RFLNA: variants seen among roughly 807,000 people sequenced by gnomAD.
The protein encoded by RFLNA is refilin A, also known as refilin-A.
A neutral mutation model predicts 7.8 loss-of-function variants in RFLNA; 5 were observed. The observed-to-expected ratio is 0.64, with a 90% CI of 0.34 to 1.35. The LOEUF (loss-of-function observed/expected upper bound fraction) is 1.35, where lower values mean the gene tolerates loss of function less well. Among genes scored for constraint, RFLNA ranks in the 40% most tolerant of loss-of-function variants. The pLI, the probability that RFLNA is intolerant of heterozygous loss-of-function variation, is 0.04. For synonymous variants in RFLNA, 141 were observed against 131.3 expected (o/e 1.07, Z -0.50); for missense variants, 278 against 305.5 (o/e 0.91, Z 0.67).
intron 1 of RFLNA, among the ~76,000 whole-genome samples, chr12:124,305,710 A>G (rs2034125947): frequency 6.6e-6 from 1 of 152,192 alleles, no homozygotes; most frequent in Non-Finnish European, 1.5e-5. Flanking sequence ...TGATGACATC[A>G]GGCCCACCTG....
At position 124,314,627 on chromosome 12, in the gene RFLNA, G is replaced by T. The variant is rs575192848; in HGVS notation, c.*102G>T. 2.0e-5 allele frequency: 30 copies of T among 1,521,516 alleles called. No individual in the cohort carries two copies. Among genetic ancestry groups the T allele is most frequent in the East Asian group, 2.0e-4 (8 of 40,808 alleles). 94.3% of individuals were successfully genotyped at this position (1,521,516 alleles called of 1,614,324 possible). ...TCGGCCTGGCACTCGGGCAGGAGGCGGGAAGGGAGGCTGCCAGACCAAGGA... is the reference window on the plus strand; with the variant it reads ...TCGGCCTGGCACTCGGGCAGGAGGCTGGAAGGGAGGCTGCCAGACCAAGGA... On this transcript the variant is annotated 3_prime_UTR_variant, in exon 3 of 3. Coordinates refer to ENST00000546355, the MANE Select transcript of RFLNA (RefSeq NM_001365156.1).
chr12:124,295,752 G>A (rs2033897050), intron 1 of RFLNA, 116 bp downstream of exon 1: 6 of 1,074,206 alleles, frequency 5.6e-6, no homozygotes, highest in South Asian at 4.8e-5. Flanking sequence ...TACCTGCCCC[G>A]CAACCACGAA....
At chr12:124,291,956 T>C (rs765988529), upstream of RFLNA, among the ~76,000 whole-genome samples, 1 of 152,162 alleles carries the variant, frequency 6.6e-6, no homozygotes, top group Non-Finnish European at 1.5e-5. Context: ...GGTGCATACA[T>C]ATGCATACAC....
At chr12:124,310,195 A>AAAAAAAAAAAAAAAAAAAAAAAAAAC (rs1227402468) in intron 1 of RFLNA, among the ~76,000 whole-genome samples, 1 of 146,098 alleles carries the variant, frequency 6.8e-6, no homozygotes. Context: ...AAAAAAAAAA[A>AAAAAAAAAAAAAAAAAAAAAAAAAAC]AGCCTTTAGA....
At chr12:124,301,510 G>C (rs1409796673) in intron 1 of RFLNA, among the ~76,000 whole-genome samples, 2 of 152,176 alleles carry the variant, frequency 1.3e-5, no homozygotes, top group African/African-American at 2.4e-5. Context: ...CTCCCTGCGG[G>C]GCACGGTACA....
intron 1 of RFLNA, among the ~76,000 whole-genome samples, chr12:124,302,414 G>A (rs886796721): frequency 7.9e-5 from 12 of 152,142 alleles, no homozygotes; most frequent in African/African-American, 2.9e-4. Flanking sequence ...CTGGGCCCTT[G>A]ATAGTTCATG....
At chr12:124,309,128 T>C (rs1174000023) in intron 1 of RFLNA, among the ~76,000 whole-genome samples, 1 of 152,030 alleles carries the variant, frequency 6.6e-6, no homozygotes, top group Non-Finnish European at 1.5e-5. Flanking sequence ...TGGGTGCTGT[T>C]TGTGGCTGTG....
chr12:124,304,691 G>A (rs1337042897), intron 1 of RFLNA, among the ~76,000 whole-genome samples: 1 of 152,246 alleles, frequency 6.6e-6, no homozygotes, highest in African/African-American at 2.4e-5. Context: ...CTGGCAGCGC[G>A]TGGGTGGGTA....
chr12:124,310,531 T>TTTCTGTGAGGA (rs1307983797), intron 1 of RFLNA, among the ~76,000 whole-genome samples: 2 of 126,346 alleles, frequency 1.6e-5, no homozygotes, highest in African/African-American at 3.1e-5. Flanking sequence ...GGAGGTGGAC[T>TTTCTGTGAGGA]GCAGGATGGG....
At chr12:124,310,362 A>G (rs1200903349) in intron 1 of RFLNA, among the ~76,000 whole-genome samples, 2 of 150,772 alleles carry the variant, frequency 1.3e-5, no homozygotes, top group Non-Finnish European at 3.0e-5. Context: ...GGCGGGGAAC[A>G]CTTCCGGAGG....
rs1317255535 is a variant in RFLNA at position 124,302,812 on chromosome 12, A to AG, written c.207+7180dup. Among the ~76,000 whole-genome samples the AG allele has an allele frequency of 2.5e-4, 32 of 128,848 alleles. No homozygotes were observed. In the South Asian group the frequency reaches 7.1e-3, roughly 29 times the overall value. The allele number at this position is 128,848 out of a possible 152,430, so 84.5% of individuals were successfully genotyped here. ...GGGGCCGAGGTCAGGGGCTGAGGTC[A>AG]GGGGCCGAGGTCAGGGGCCGAGGTC... On this transcript the variant is annotated intron_variant, in intron 1 of 2. Transcript: ENST00000546355.
At position 124,306,333 on chromosome 12, in the gene RFLNA, G is replaced by A. The variant is rs1408886701; in HGVS notation, c.208-5485G>A. Among the ~76,000 whole-genome samples, 1 of 152,188 alleles carries A rather than the reference G, an allele frequency of 6.6e-6. No individual in the cohort carries two copies. The highest frequency in any genetic ancestry group is 2.4e-5 in the African/African-American group (1 of 41,440). Reference sequence around the variant, plus strand: ...TAAGACTTGGAGAGGACACTGAGTTGGCTCTCACCAGCCCAAGCGAGAAGC... The same window carrying A: ...TAAGACTTGGAGAGGACACTGAGTTAGCTCTCACCAGCCCAAGCGAGAAGC... On this transcript the variant is annotated intron_variant, in intron 1 of 2. Coordinates refer to ENST00000546355, the MANE Select transcript of RFLNA (RefSeq NM_001365156.1). The surrounding 1 kb of genome is among the most constrained non-coding windows in gnomAD (Gnocchi z 5.2).
chr12:124,300,829 T>G (rs2034022412), intron 1 of RFLNA, among the ~76,000 whole-genome samples: 2 of 144,692 alleles, frequency 1.4e-5, no homozygotes, highest in African/African-American at 5.3e-5. Flanking sequence ...GAAGAATGGG[T>G]GGATGGATGG....
At chr12:124,296,836 G>C (rs986159643) in intron 1 of RFLNA, among the ~76,000 whole-genome samples, 13 of 152,210 alleles carry the variant, frequency 8.5e-5, no homozygotes, top group Non-Finnish European at 1.0e-4. Context: ...GCATCAGGAG[G>C]GTTTCAGTCT....
chr12:124,314,128 G>T, intron 2 of RFLNA, 64 bp from the exon 3 acceptor site: 1 of 1,544,988 alleles, frequency 6.5e-7, no homozygotes, highest in East Asian at 2.3e-5. Flanking sequence ...TGTCCATGCT[G>T]AGGGCAGGGA....
rs1313018434 is a variant in RFLNA at position 124,314,696 on chromosome 12, C to G, written c.*171C>G. On this transcript the variant is annotated 3_prime_UTR_variant, in exon 3 of 3. Transcript: ENST00000546355. ...GCTCCCCGCTGCCTGCCCTGACCTA[C>G]AGGCTAGGTGGTGGTCTCCTTGTTT... 1.8e-6 allele frequency: 2 copies of G among 1,083,492 alleles called. No homozygotes were observed. Among genetic ancestry groups the G allele is most frequent in the Middle Eastern group, 1.9e-4 (1 of 5,144 alleles). The allele number at this position is 1,083,492 out of a possible 1,614,324, so 67.1% of individuals were successfully genotyped here.
rs1177331509 is a variant in RFLNA, at chr12:124,314,947, T to C, written c.*422T>C. On this transcript the variant is annotated 3_prime_UTR_variant, in exon 3 of 3. Coordinates refer to ENST00000546355, the MANE Select transcript of RFLNA (RefSeq NM_001365156.1). The stretch of plus-strand genomic sequence containing the variant: ...ACTCCCCCAGAGCCCTGCCACCCCA[T>C]GTGTCCTAGGCTGGTGGCCAAGGCC... The C allele has an allele frequency of 1.6e-5, 6 of 363,766 alleles. No homozygotes were observed. Among genetic ancestry groups the C allele is most frequent in the African/African-American group, 1.3e-4 (6 of 47,402 alleles). 22.5% of individuals were successfully genotyped at this position (363,766 alleles called of 1,614,324 possible). A position where few individuals can be genotyped will look rare whatever the true frequency, so the allele number is the denominator to read the frequency against.
At chr12:124,313,346 A>G (rs1232734512) in intron 2 of RFLNA, among the ~76,000 whole-genome samples, 3 of 152,120 alleles carry the variant, frequency 2.0e-5, no homozygotes, top group Non-Finnish European at 4.4e-5. Flanking sequence ...TGTTGAAGGG[A>G]CTTCTTGGAA....
chr12:124,298,943 G>T (rs2135676012), intron 1 of RFLNA, among the ~76,000 whole-genome samples: 1 of 152,354 alleles, frequency 6.6e-6, no homozygotes, highest in Non-Finnish European at 1.5e-5. Context: ...CACCACTAAA[G>T]AACTTATGCA....
Sources: allele counts gnomAD v4.1 joint callset (sites outside exome capture counted in the v4.1 genomes callset), GRCh38; gene constraint gnomAD v4.1.1; non-coding constraint Gnocchi (gnomAD v3.1); transcripts MANE v1.5; gene names NCBI Gene and HGNC (gene_info 2026-07-23, HGNC 2026-07-21).